GALNT15: variants seen among roughly 807,000 people sequenced by gnomAD.
GALNT15 encodes the protein UDP-GalNAc transferase T15.
In GALNT15, 67 loss-of-function variants were observed where a neutral mutation model predicts 66.8. The observed-to-expected ratio is 1.00, with a 90% CI of 0.82 to 1.23. The LOEUF (loss-of-function observed/expected upper bound fraction) is 1.23. Among genes scored for constraint, GALNT15 ranks in the 50% most tolerant of loss-of-function variants. The pLI, the probability that GALNT15 is intolerant of heterozygous loss-of-function variation, is 0.00. For missense variants in GALNT15, 827 were observed against 804.3 expected, an observed-to-expected ratio of 1.03 and a Z score of -0.34; for synonymous variants, 313 against 311.5, an observed-to-expected ratio of 1.00 and a Z score of -0.05.
chr3:16,237,732 A>C, the GALNT15 span, among the ~76,000 whole-genome samples: 2 of 152,158 alleles, frequency 1.3e-5, no homozygotes, highest in Non-Finnish European at 2.9e-5. The surrounding 1 kb of genome is among the most constrained non-coding windows in gnomAD (Gnocchi z 4.2). Flanking sequence ...CTCTTTGAGC[A>C]TATCCTTGAC....
At chr3:16,238,718 T>C in the GALNT15 span, among the ~76,000 whole-genome samples, 30 of 152,256 alleles carry the variant, frequency 2.0e-4, no homozygotes, top group African/African-American at 7.2e-4. This position sits in a 1 kb window ranked among gnomAD's most constrained non-coding sequence, Gnocchi z 4.8. Flanking sequence ...ACTTCCACAT[T>C]TGATTGCCTC....
intron 6 of GALNT15, among the ~76,000 whole-genome samples, chr3:16,218,034 C>T (rs190791670): frequency 6.6e-6 from 1 of 152,206 alleles, no homozygotes; most frequent in Non-Finnish European, 1.5e-5. Flanking sequence ...GGTTAAAATG[C>T]AGATTCCAGG....
chr3:16,211,151 G>A lies in GALNT15; in HGVS notation c.1107G>A (p.Val369=). The change falls in exon 5 of 10, where the codon GTG becomes GTA. Residue 369 remains valine, a synonymous_variant. Coordinates refer to ENST00000339732, the MANE Select transcript of GALNT15 (RefSeq NM_054110.5). This position sits in a 1 kb window ranked among gnomAD's most constrained non-coding sequence, Gnocchi z 4.3. The part of the protein sequence containing the change: ...IRSPVVPGEV[V]AMDRHYFQNT... ...GCCCTGTGGTGCCCGGAGAGGTGGTGGCCATGGACAGACATTACTTCCAAA... is the reference window on the plus strand; with the variant it reads ...GCCCTGTGGTGCCCGGAGAGGTGGTAGCCATGGACAGACATTACTTCCAAA... 2 of 1,613,788 alleles carry A rather than the reference G, an allele frequency of 1.2e-6. No individual in the cohort carries two copies. Among genetic ancestry groups the A allele is most frequent in the African/African-American group, 1.3e-5 (1 of 75,028 alleles).
chr3:16,200,689 G>A lies in GALNT15; in HGVS notation c.777G>A (p.Lys259=). The A allele has an allele frequency of 6.2e-7, 1 of 1,609,610 alleles. No individual in the cohort carries two copies. ...GGGTGAAGTTACTCAGGAGCAACAAGAGGCTGGGTGCCATCAGGGCCCGGA... is the reference window on the plus strand; with the variant it reads ...GGGTGAAGTTACTCAGGAGCAACAAAAGGCTGGGTGCCATCAGGGCCCGGA... ...LEGVKLLRSN[K]RLGAIRARML... Residue 259 remains lysine (K), a synonymous_variant, in exon 3 of 10, where the codon AAG becomes AAA. Transcript: ENST00000339732. This position sits in a 1 kb window ranked among gnomAD's most constrained non-coding sequence, Gnocchi z 4.4.
rs2063524950 is a variant in GALNT15 at position 16,187,074 on chromosome 3, A to C, written c.540-8686A>C. Among the ~76,000 whole-genome samples, 1 of 151,760 alleles carries C rather than the reference A, an allele frequency of 6.6e-6. No homozygotes were observed. The highest frequency in any genetic ancestry group is 1.5e-5 in the Non-Finnish European group (1 of 67,946). ...AGGTCAGGAGTTCAAGACCAGCCTG[A>C]CCAACATGGTGAAACCCCGTCTCTA... is the stretch of plus-strand genomic sequence containing the variant. On this transcript the variant is annotated intron_variant, in intron 1 of 9. Coordinates refer to ENST00000339732, the MANE Select transcript of GALNT15 (RefSeq NM_054110.5). This position sits in a 1 kb window ranked among gnomAD's most constrained non-coding sequence, Gnocchi z 5.1.
At chr3:16,235,928 A>G (rs1040971977), downstream of GALNT15, among the ~76,000 whole-genome samples, 2 of 151,752 alleles carry the variant, frequency 1.3e-5, no homozygotes, top group Non-Finnish European at 2.9e-5. Context: ...AAAATGGTGA[A>G]ACCCTGCCCC....
rs376689223 is a variant in GALNT15 at position 16,200,062 on chromosome 3, C to G, written c.707-557C>G. ...GCATGGCTGGGGAGGCCTCAGGAAACTTACAATCATGGTGGAAGGGGAAGC... is the reference window on the plus strand; with the variant it reads ...GCATGGCTGGGGAGGCCTCAGGAAAGTTACAATCATGGTGGAAGGGGAAGC... On this transcript the variant is annotated intron_variant, in intron 2 of 9. Transcript: ENST00000339732. This position sits in a 1 kb window ranked among gnomAD's most constrained non-coding sequence, Gnocchi z 4.4. 6.6e-6 allele frequency among the ~76,000 whole-genome samples: 1 copy of G among 152,182 alleles called. No homozygotes were observed. The highest frequency in any genetic ancestry group is 1.9e-4 in the East Asian group (1 of 5,178).
rs1400237282 is a variant in GALNT15 at position 16,183,001 on chromosome 3, G to A, written c.539+7311G>A. On this transcript the variant is annotated intron_variant, in intron 1 of 9. Coordinates refer to ENST00000339732, the MANE Select transcript of GALNT15 (RefSeq NM_054110.5). The surrounding 1 kb of genome is among the most constrained non-coding windows in gnomAD (Gnocchi z 5.2). ...CTCTGGCCGCTAGCCTGGGGAGGCT[G>A]TCCCTGTTAGGTGGAACTATGGCTC... 6.6e-6 allele frequency: 1 copy of A among 152,370 alleles called. No individual in the cohort carries two copies. Among genetic ancestry groups the A allele is most frequent in the African/African-American group, 2.4e-5 (1 of 41,466 alleles). 9.4% of individuals were successfully genotyped at this position (152,370 alleles called of 1,614,324 possible).
At chr3:16,214,412 C>T (rs56030617) in intron 6 of GALNT15, among the ~76,000 whole-genome samples, 8,682 of 152,284 alleles carry the variant, frequency 0.057, 307 homozygotes, top group African/African-American at 0.082. Flanking sequence ...TCTGCTTCCT[C>T]GTTTGTTAAG....
chr3:16,200,796 C>G lies in GALNT15; in HGVS notation c.884C>G (p.Pro295Arg). ...GAGTGCCACCCAGGCTGGCTGGAGC[C>G]CCTCCTCAGCAGAATAGCTGGTGAC... ...HCECHPGWLE[P>R]LLSRIAGDRS... is the part of the protein sequence containing the mutation. The change falls in exon 3 of 10, where the codon CCC (proline) becomes CGC (arginine). Residue 295 changes from proline (P) to arginine (R), a missense_variant. Physicochemically the swap from Pro to Arg is moderately radical, Grantham distance 103 (BLOSUM62 -2). Coordinates refer to ENST00000339732, the MANE Select transcript of GALNT15 (RefSeq NM_054110.5). This position sits in a 1 kb window ranked among gnomAD's most constrained non-coding sequence, Gnocchi z 4.4. The G allele has an allele frequency of 6.2e-7, 1 of 1,610,446 alleles. No homozygotes were observed. Among genetic ancestry groups the G allele is most frequent in the African/African-American group, 1.3e-5 (1 of 74,838 alleles).
At position 16,228,553 on chromosome 3, in the gene GALNT15, A is replaced by G. The variant is rs1232353107; in HGVS notation, c.*1053A>G. On this transcript the variant is annotated 3_prime_UTR_variant, in exon 10 of 10. Coordinates refer to ENST00000339732, the MANE Select transcript of GALNT15 (RefSeq NM_054110.5). ...CTACTTGGGAGGCTGAGGCAAGAGAATCGCTTGAACCCAGGAGGCAGAGGT... is the reference window on the plus strand; with the variant it reads ...CTACTTGGGAGGCTGAGGCAAGAGAGTCGCTTGAACCCAGGAGGCAGAGGT... The G allele has an allele frequency of 5.6e-6, 4 of 720,556 alleles. No homozygotes were observed. The highest frequency in any genetic ancestry group is 6.8e-6 in the Non-Finnish European group (4 of 589,422). 44.6% of individuals were successfully genotyped at this position (720,556 alleles called of 1,614,324 possible). A position where few individuals can be genotyped will look rare whatever the true frequency, so the allele number is the denominator to read the frequency against.
chr3:16,244,042 G>T, the GALNT15 span: 3 of 982,924 alleles, frequency 3.1e-6, no homozygotes, highest in Non-Finnish European at 2.4e-6. Context: ...CAGAAGAGTG[G>T]CAGGCACCCA....
chr3:16,227,482 T>G lies in GALNT15; in HGVS notation c.1902T>G (p.Asn634Lys), dbSNP rs150101427. ...ARQQWRFDQI[N>K]AVDER ...AGCAGTGGCGTTTTGACCAGATCAA[T>G]GCTGTGGATGAACGATGAATGTCAA... The change falls in exon 10 of 10, where the codon AAT (asparagine) becomes AAG (lysine). Residue 634 changes from asparagine to lysine, a missense_variant. Physicochemically the swap from Asn to Lys is moderately conservative, Grantham distance 94 (BLOSUM62 0). Coordinates refer to ENST00000339732, the MANE Select transcript of GALNT15 (RefSeq NM_054110.5). The surrounding 1 kb of genome is among the most constrained non-coding windows in gnomAD (Gnocchi z 4.5). The G allele has an allele frequency of 6.2e-5, 100 of 1,614,186 alleles. No homozygotes were observed. The highest frequency in any genetic ancestry group is 8.2e-5 in the Non-Finnish European group (97 of 1,180,022).
chr3:16,221,497 G>A (rs1208011327), intron 8 of GALNT15, among the ~76,000 whole-genome samples: 1 of 152,206 alleles, frequency 6.6e-6, no homozygotes, highest in Non-Finnish European at 1.5e-5. Context: ...TACCAAGTGT[G>A]AGGGATGGTT....
the GALNT15 span, among the ~76,000 whole-genome samples, chr3:16,241,185 T>C: frequency 2.0e-5 from 3 of 152,190 alleles, no homozygotes; most frequent in Non-Finnish European, 4.4e-5. This position sits in a 1 kb window ranked among gnomAD's most constrained non-coding sequence, Gnocchi z 4.6. Flanking sequence ...TTTCCTCCTC[T>C]GGACTTTAAA....
rs1297095671 is a variant in GALNT15, at chr3:16,220,024, C to T, written c.1629+10C>T. ...CAGCCGGCAGCAACAGGTGGGTAGT[C>T]AGACTTCTCAGGATGGATGATAGCC... On this transcript the variant is annotated intron_variant, in intron 8 of 9. Coordinates refer to ENST00000339732, the MANE Select transcript of GALNT15 (RefSeq NM_054110.5). 6.3e-7 allele frequency: 1 copy of T among 1,599,736 alleles called. No individual in the cohort carries two copies. Among genetic ancestry groups the T allele is most frequent in the Non-Finnish European group, 8.6e-7 (1 of 1,166,874 alleles).
At chr3:16,246,321 G>GTTTTT in the GALNT15 span, among the ~76,000 whole-genome samples, 46 of 85,260 alleles carry the variant, frequency 5.4e-4, no homozygotes, top group African/African-American at 1.6e-3. Flanking sequence ...TTTGAAAGTG[G>GTTTTT]TTTTTTTTTT....
At position 16,209,588 on chromosome 3, in the gene GALNT15, C is replaced by T. The variant is rs1226518000; in HGVS notation, c.1079+918C>T. 1.3e-5 allele frequency among the ~76,000 whole-genome samples: 2 copies of T among 152,036 alleles called. No individual in the cohort carries two copies. The highest frequency in any genetic ancestry group is 4.8e-5 in the African/African-American group (2 of 41,368). On this transcript the variant is annotated intron_variant, in intron 4 of 9. Transcript: ENST00000339732. The surrounding 1 kb of genome is among the most constrained non-coding windows in gnomAD (Gnocchi z 4.1). ...ATCCTAGCACTTTGGGAGGCAGAGG[C>T]GGGCTGATCACTCGAGGCCAGGAGT...
rs537472121 is a variant in GALNT15 at position 16,197,392 on chromosome 3, G to A, written c.706+1466G>A. Among the ~76,000 whole-genome samples, 31 of 152,266 alleles carry A rather than the reference G, an allele frequency of 2.0e-4. 1 individual carries two copies. The highest frequency in any genetic ancestry group is 3.4e-3 in the Middle Eastern group (1 of 294). ...TTTCCTGTTGACATTGGGGTGCAAG[G>A]CCTTTTCCACAACCAAGGGCAGCAC... On this transcript the variant is annotated intron_variant, in intron 2 of 9. Transcript: ENST00000339732.
Sources: gnomAD v4.1 joint callset for allele counts (sites outside exome capture counted in the v4.1 genomes callset) on GRCh38, gnomAD v4.1.1 for gene constraint, Gnocchi (gnomAD v3.1) non-coding constraint, MANE v1.5 for transcripts, NCBI Gene and HGNC (gene_info 2026-07-23, HGNC 2026-07-21) for gene names.